Variants in TBK1 observed in about 807,000 individuals in gnomAD.
The protein encoded by TBK1 is serine/threonine-protein kinase TBK1.
In TBK1, 37 loss-of-function variants were observed where a neutral mutation model predicts 99.9. That is an observed-to-expected ratio of 0.37 (90% CI 0.28 to 0.49). TBK1 has a LOEUF of 0.49. TBK1 is among the 20% of genes least tolerant of loss of function. The probability of loss-of-function intolerance (pLI) is 0.98; values close to 1 mark genes in which losing one functional copy is unlikely to be tolerated. For missense variants in TBK1, 644 were observed against 872.5 expected, an observed-to-expected ratio of 0.74 and a Z score of 3.30; for synonymous variants, 258 against 279.8, an observed-to-expected ratio of 0.92 and a Z score of 0.78.
chr12:64,454,084 T>A (rs2040458427), intron 1 of TBK1, among the ~76,000 whole-genome samples: 1 of 152,228 alleles, frequency 6.6e-6, no homozygotes, highest in South Asian at 2.1e-4. Flanking sequence ...AACAAAGTAA[T>A]TTTTCCTATA....
intron 13 of TBK1, among the ~76,000 whole-genome samples, chr12:64,492,774 G>T (rs2040882729): frequency 6.6e-6 from 1 of 151,394 alleles, no homozygotes; most frequent in South Asian, 2.1e-4. Context: ...CCAGGTTGGA[G>T]TGCAATGGCG....
chr12:64,484,873 AAG>A (rs2040803171), intron 9 of TBK1, among the ~76,000 whole-genome samples: 2 of 152,336 alleles, frequency 1.3e-5, no homozygotes, highest in Middle Eastern at 3.4e-3. Context: ...CTATAGTTGA[AAG>A]AGAGTAATTG....
intron 18 of TBK1, 54 bp from the exon 19 acceptor site, chr12:64,497,589 CTTTTG>C: frequency 1.7e-6 from 2 of 1,165,154 alleles, no homozygotes; most frequent in Non-Finnish European, 2.4e-6. Flanking sequence ...GTAGTAAGTA[CTTTTG>C]TTCTGTGATT....
At position 64,466,929 on chromosome 12, in the gene TBK1, T is replaced by C. The variant is rs771153396; in HGVS notation, c.387T>C (p.Asn129=). The C allele has an allele frequency of 6.2e-7, 1 of 1,603,098 alleles. No homozygotes were observed. Among genetic ancestry groups the C allele is most frequent in the South Asian group, 1.1e-5 (1 of 89,334 alleles). The change falls in exon 5 of 21, where the codon AAT becomes AAC. Residue 129 remains asparagine (N), a synonymous_variant. Transcript: ENST00000331710. ...VVGGMNHLRE[N]GIVHRDIKPG... Reference sequence around the variant, plus strand: ...GTGGAATGAATCATCTACGAGAGAATGGTATAGTGCACCGTGATATCAAGC... The same window carrying C: ...GTGGAATGAATCATCTACGAGAGAACGGTATAGTGCACCGTGATATCAAGC...
intron 13 of TBK1, among the ~76,000 whole-genome samples, chr12:64,492,629 A>G (rs1406816541): frequency 6.6e-6 from 1 of 152,170 alleles, no homozygotes; most frequent in African/African-American, 2.4e-5. Flanking sequence ...CTTATGAGAA[A>G]GCATAGATGA....
chr12:64,488,817 C>T (rs1012922724), intron 12 of TBK1, among the ~76,000 whole-genome samples: 1 of 152,156 alleles, frequency 6.6e-6, no homozygotes, highest in Admixed American at 6.6e-5. Context: ...CATGGTGAAA[C>T]TCCGTCTCTA....
Position 64,474,211 on chromosome 12 carries a change from CTTTTTTTTTT to C in TBK1, c.541-18_541-9del. On this transcript the variant is annotated splice_polypyrimidine_tract_variant and intron_variant, in intron 5 of 20. Transcript: ENST00000331710. ...TGGGTCACAGGTTCATGATTTTTTT[CTTTTTTTTTT>C]AATCTTAGCACCCTGATATGTATGA... 1 of 1,349,276 alleles carries C rather than the reference CTTTTTTTTTT, an allele frequency of 7.4e-7. No individual in the cohort carries two copies. The highest frequency in any genetic ancestry group is 2.7e-5 in the East Asian group (1 of 37,000). The allele number at this position is 1,349,276 out of a possible 1,614,324, so 83.6% of individuals were successfully genotyped here.
At chr12:64,484,922 CA>C (rs969082052) in intron 9 of TBK1, among the ~76,000 whole-genome samples, 39 of 152,240 alleles carry the variant, frequency 2.6e-4, no homozygotes, top group African/African-American at 8.9e-4. Context: ...GATTTGACTT[CA>C]AATATTTTGT....
At chr12:64,484,891 T>C (rs2040803400) in intron 9 of TBK1, among the ~76,000 whole-genome samples, 1 of 152,194 alleles carries the variant, frequency 6.6e-6, no homozygotes, top group Non-Finnish European at 1.5e-5. Flanking sequence ...AATTGTAAAA[T>C]TGAAAAAGCC....
rs71092971 is a variant in TBK1 at position 64,484,010 on chromosome 12, TACACACACACAC to T, written c.993-265_993-254del. On this transcript the variant is annotated intron_variant, in intron 8 of 20. Coordinates refer to ENST00000331710, the MANE Select transcript of TBK1 (RefSeq NM_013254.4). Reference sequence around the variant, plus strand: ...CAACAGAGCGAAACTCTGTCTCACATACACACACACACACACACACACACACACACACACACA... The same window carrying T: ...CAACAGAGCGAAACTCTGTCTCACATACACACACACACACACACACACACA... 66,375 of 155,096 alleles carry T rather than the reference TACACACACACAC, an allele frequency of 0.43. 15,575 individuals are homozygous for T. The highest frequency in any genetic ancestry group is 0.56 in the Non-Finnish European group (40,815 of 73,434). The allele number at this position is 155,096 out of a possible 1,614,324, so 9.6% of individuals were successfully genotyped here. A position where few individuals can be genotyped will look rare whatever the true frequency, so the allele number is the denominator to read the frequency against.
intron 3 of TBK1, among the ~76,000 whole-genome samples, chr12:64,461,038 C>T (rs2040543599): frequency 1.3e-5 from 2 of 150,578 alleles, no homozygotes; most frequent in Admixed American, 1.3e-4. Context: ...CCATATTGTG[C>T]CACTGTACTC....
At chr12:64,484,012 C>CACAT in intron 8 of TBK1, 1 of 35,014 alleles carries the variant, frequency 2.9e-5, no homozygotes, top group South Asian at 6.2e-4. Flanking sequence ...GTCTCACATA[C>CACAT]ACACACACAC....
rs534404556 is a variant in TBK1, at chr12:64,501,323, G to A, written c.2139-7G>A. Reference sequence around the variant, plus strand: ...ATTACCTTTTTTTCTTTGTGTGTGTGTTTTAGGTTTGGCTCTTTAACCATG... The same window carrying A: ...ATTACCTTTTTTTCTTTGTGTGTGTATTTTAGGTTTGGCTCTTTAACCATG... On this transcript the variant is annotated splice_polypyrimidine_tract_variant and splice_region_variant and intron_variant, in intron 20 of 20. Transcript: ENST00000331710. 3 of 1,613,788 alleles carry A rather than the reference G, an allele frequency of 1.9e-6. No individual in the cohort carries two copies. Among genetic ancestry groups the A allele is most frequent in the South Asian group, 1.1e-5 (1 of 91,020 alleles).
chr12:64,461,663 A>G (rs60358746), intron 3 of TBK1, among the ~76,000 whole-genome samples: 13,248 of 152,202 alleles, frequency 0.087, 787 homozygotes, highest in Middle Eastern at 0.21. Context: ...TTTGATACCA[A>G]TTGCAAAGGA....
At chr12:64,498,240 C>T (rs1408412537) in intron 20 of TBK1, among the ~76,000 whole-genome samples, 1 of 152,104 alleles carries the variant, frequency 6.6e-6, no homozygotes, top group African/African-American at 2.4e-5. Flanking sequence ...ACTGGTTAAT[C>T]GAATTACTTA....
Position 64,495,563 on chromosome 12 carries a change from C to T in TBK1, c.1602C>T (p.Asp534=), listed in dbSNP as rs945749794. Residue 534 remains aspartate (D), a synonymous_variant, in exon 14 of 21, where the codon GAC becomes GAT. Transcript: ENST00000331710. The part of the protein sequence containing the change: ...SRLSPGGSLA[D]AWAHQEGTHP... ...TATCTCCAGGTGGATCACTGGCAGA[C>T]GCATGGGCACATCAAGAAGGCACTC... 2.9e-5 allele frequency: 47 copies of T among 1,613,938 alleles called. No homozygotes were observed. The highest frequency in any genetic ancestry group is 3.6e-5 in the Non-Finnish European group (42 of 1,179,974).
intron 14 of TBK1, 25 bp from the exon 15 acceptor site, chr12:64,495,674 A>T: frequency 6.2e-7 from 1 of 1,612,446 alleles, no homozygotes; most frequent in African/African-American, 1.3e-5. Context: ...CAGTTAATTT[A>T]TTTGAGTTTT....
chr12:64,496,620 A>G (rs1259677563), intron 16 of TBK1, among the ~76,000 whole-genome samples: 1 of 152,160 alleles, frequency 6.6e-6, no homozygotes, highest in Non-Finnish European at 1.5e-5. Flanking sequence ...GGGGGGAGAA[A>G]GATTACCATT....
At chr12:64,494,097 A>C (rs993482319) in intron 13 of TBK1, among the ~76,000 whole-genome samples, 1 of 152,210 alleles carries the variant, frequency 6.6e-6, no homozygotes, top group Non-Finnish European at 1.5e-5. Flanking sequence ...TTGGATGTAT[A>C]ATTTAACACA....
Sources: gnomAD v4.1 joint callset for allele counts (sites outside exome capture counted in the v4.1 genomes callset) on GRCh38, gnomAD v4.1.1 for gene constraint, MANE v1.5 for transcripts, NCBI Gene and HGNC (gene_info 2026-07-23, HGNC 2026-07-21) for gene names.